Variants in PWWP2B observed in about 807,000 individuals in gnomAD.
PWWP2B encodes the protein PWWP domain-containing protein 2B.
In PWWP2B, 9 loss-of-function variants were observed where a neutral mutation model predicts 15.5. That is an observed-to-expected ratio of 0.58 (90% CI 0.35 to 1.02). The LOEUF (loss-of-function observed/expected upper bound fraction) is 1.02. Ranked by LOEUF, PWWP2B falls within the 50% of genes least tolerant of loss-of-function variation. The probability of loss-of-function intolerance (pLI) is 0.02; values close to 1 mark genes in which losing one functional copy is unlikely to be tolerated. For missense variants in PWWP2B, 864 were observed against 865.3 expected (o/e 1.00, Z 0.02); for synonymous variants, 474 against 403.6 (o/e 1.17, Z -2.09).
chr10:132,407,206 C>A (rs2069712598), intron 2 of PWWP2B, among the ~76,000 whole-genome samples: 1 of 152,132 alleles, frequency 6.6e-6, no homozygotes, highest in African/African-American at 2.4e-5. Context: ...CTTCTCAGCA[C>A]CTCCTAGATG....
Position 132,405,626 on chromosome 10 carries a change from G to A in PWWP2B, c.1126G>A (p.Gly376Arg), listed in dbSNP as rs751750520. 4.8e-5 allele frequency: 78 copies of A among 1,612,112 alleles called. No individual in the cohort carries two copies. The highest frequency in any genetic ancestry group is 1.7e-4 in the Admixed American group (10 of 60,008). Residue 376 changes from glycine to arginine, a missense_variant, in exon 2 of 3, where the codon GGG becomes AGG. Gly to Arg is a moderately radical substitution (Grantham distance 125). Around this residue, in one of 2 missense-constraint regions of PWWP2B, gnomAD observed 736 missense variants for 687.7 expected, o/e 1.07. Transcript: ENST00000305233. ...GCCCTGTGCGGACGGCCCTGCCGGT[G>A]GGCTGGCGGACTTGTCTTCTGGAAG... is the stretch of plus-strand genomic sequence containing the variant. ...PAPCADGPAG[G>R]LADLSSGSSG...
intron 2 of PWWP2B, among the ~76,000 whole-genome samples, chr10:132,416,140 G>A (rs1378636617): frequency 6.6e-6 from 1 of 152,020 alleles, no homozygotes; most frequent in African/African-American, 2.4e-5. Flanking sequence ...GCCGGGACAG[G>A]GGCAGGTCCC....
intron 2 of PWWP2B, among the ~76,000 whole-genome samples, chr10:132,415,441 A>T (rs1444206206): frequency 6.7e-6 from 1 of 149,428 alleles, no homozygotes; most frequent in Non-Finnish European, 1.5e-5. Context: ...ATGCACTCTC[A>T]CACTCACATC....
At chr10:132,402,513 C>T (rs996029267) in intron 1 of PWWP2B, among the ~76,000 whole-genome samples, 4 of 152,264 alleles carry the variant, frequency 2.6e-5, no homozygotes, top group Admixed American at 6.5e-5. Context: ...CACCAGCGGG[C>T]GTGTGCACCA....
intron 1 of PWWP2B, among the ~76,000 whole-genome samples, chr10:132,400,543 A>G (rs986217457): frequency 2.6e-5 from 4 of 152,118 alleles, no homozygotes; most frequent in African/African-American, 9.7e-5. Context: ...CCTGGTGTCT[A>G]GCCTGTGGCT....
At chr10:132,409,110 T>C (rs1431284042) in intron 2 of PWWP2B, among the ~76,000 whole-genome samples, 3 of 152,182 alleles carry the variant, frequency 2.0e-5, no homozygotes, top group Admixed American at 6.5e-5. Context: ...TGAGCCTGTT[T>C]GTTCACCGCT....
chr10:132,402,151 G>A (rs533987702), intron 1 of PWWP2B, among the ~76,000 whole-genome samples: 1 of 152,376 alleles, frequency 6.6e-6, no homozygotes, highest in Admixed American at 6.5e-5. Context: ...TGATCTGCCT[G>A]GGAAGGGACT....
At chr10:132,397,616 G>A (rs2069555046) in intron 1 of PWWP2B, among the ~76,000 whole-genome samples, 1 of 152,100 alleles carries the variant, frequency 6.6e-6, no homozygotes, top group African/African-American at 2.4e-5. Flanking sequence ...CGGGGTCCCG[G>A]AACTCCACAC....
Position 132,405,227 on chromosome 10 carries a change from C to A in PWWP2B, c.727C>A (p.Pro243Thr). 1 of 1,602,232 alleles carries A rather than the reference C, an allele frequency of 6.2e-7. No individual in the cohort carries two copies. The highest frequency in any genetic ancestry group is 8.5e-7 in the Non-Finnish European group (1 of 1,175,644). The change falls in exon 2 of 3, where the codon CCG becomes ACG. Residue 243 changes from proline (P) to threonine (T), a missense_variant. Physicochemically the swap from Pro to Thr is conservative, Grantham distance 38. Coordinates refer to ENST00000305233, the MANE Select transcript of PWWP2B (RefSeq NM_138499.4). ...GGAGAGGCGCGAGGAGGACAGGGCC[C>A]CGGCAGAGCAGGTCCCGCGGAGCCC... is the stretch of plus-strand genomic sequence containing the variant. Reference protein sequence around the residue: ...KRERREEDRAPAEQVPRSPVI... With the variant: ...KRERREEDRATAEQVPRSPVI...
chr10:132,401,901 C>G (rs1234653430), intron 1 of PWWP2B, among the ~76,000 whole-genome samples: 1 of 152,262 alleles, frequency 6.6e-6, no homozygotes, highest in Non-Finnish European at 1.5e-5. Flanking sequence ...TTCCCCTACC[C>G]GTCCCAGCCT....
intron 2 of PWWP2B, among the ~76,000 whole-genome samples, chr10:132,408,045 T>G (rs1056521050): frequency 6.6e-6 from 1 of 152,156 alleles, no homozygotes; most frequent in Non-Finnish European, 1.5e-5. Context: ...CAGGGCCGGC[T>G]GTGTTTATCC....
intron 2 of PWWP2B, among the ~76,000 whole-genome samples, chr10:132,409,439 G>C (rs959978699): frequency 2.0e-5 from 3 of 152,306 alleles, no homozygotes; most frequent in East Asian, 1.9e-4. Flanking sequence ...TGCCTGGCCA[G>C]GCTTGTCCTG....
intron 2 of PWWP2B, among the ~76,000 whole-genome samples, chr10:132,407,708 C>G (rs932761035): frequency 6.6e-6 from 1 of 152,222 alleles, no homozygotes; most frequent in African/African-American, 2.4e-5. Flanking sequence ...GCTCCCCCCG[C>G]CCCAGGAACC....
At chr10:132,415,531 A>T (rs2069837957) in intron 2 of PWWP2B, among the ~76,000 whole-genome samples, 1 of 146,658 alleles carries the variant, frequency 6.8e-6, no homozygotes, top group Admixed American at 6.8e-5. Context: ...CCACTGTCAC[A>T]CACACGCACT....
chr10:132,406,891 T>C (rs974407898), intron 2 of PWWP2B, among the ~76,000 whole-genome samples: 2 of 152,098 alleles, frequency 1.3e-5, no homozygotes, highest in African/African-American at 4.8e-5. Flanking sequence ...GCGCACTCCG[T>C]CGTCAGCAGG....
intron 2 of PWWP2B, among the ~76,000 whole-genome samples, chr10:132,410,147 C>T (rs537304291): frequency 7.7e-4 from 117 of 152,024 alleles, no homozygotes; most frequent in Non-Finnish European, 2.4e-4. Context: ...GGGAGAGTGA[C>T]GGGGGACGGG....
chr10:132,415,604 TACTC>T (rs1206386884), intron 2 of PWWP2B, among the ~76,000 whole-genome samples: 8 of 122,592 alleles, frequency 6.5e-5, no homozygotes, highest in Admixed American at 1.6e-4. Context: ...CACTCACATT[TACTC>T]ACACACATCC....
chr10:132,404,517 G>A, intron 1 of PWWP2B, 109 bp from the exon 2 acceptor site: 1 of 935,208 alleles, frequency 1.1e-6, no homozygotes, highest in East Asian at 2.4e-5. Context: ...ATGGCTCGCT[G>A]CCCAGACCTG....
At chr10:132,411,010 G>T (rs1001790967) in intron 2 of PWWP2B, among the ~76,000 whole-genome samples, 4 of 152,196 alleles carry the variant, frequency 2.6e-5, no homozygotes, top group Admixed American at 6.5e-5. Context: ...GCCACTGGAC[G>T]GTCAGTGTTC....
Sources: allele counts gnomAD v4.1 joint callset (sites outside exome capture counted in the v4.1 genomes callset), GRCh38; gene constraint gnomAD v4.1.1; regional missense constraint gnomAD v4.1.1; transcripts MANE v1.5; gene names NCBI Gene and HGNC (gene_info 2026-07-23, HGNC 2026-07-21).